The following BBX variants were observed in gnomAD, a reference collection of about 807,000 sequenced individuals.
The protein encoded by BBX is BBX high mobility group box domain containing.
BBX carries 30 observed loss-of-function variants against 100.2 expected under a neutral mutation model. The ratio of observed to expected loss-of-function variants is 0.30; its 90% CI spans 0.22 to 0.41. The LOEUF is 0.41. BBX is among the 10% of genes least tolerant of loss of function. The probability of loss-of-function intolerance (pLI) is 1.00; values close to 1 mark genes in which losing one functional copy is unlikely to be tolerated. For synonymous variants in BBX, 376 were observed against 388.1 expected, an observed-to-expected ratio of 0.97 and a Z score of 0.37; for missense variants, 1,023 against 1,129.8, an observed-to-expected ratio of 0.91 and a Z score of 1.35.
At chr3:107,644,642 A>G (rs1339893827) in intron 2 of BBX, among the ~76,000 whole-genome samples, 1 of 152,164 alleles carries the variant, frequency 6.6e-6, no homozygotes, top group Non-Finnish European at 1.5e-5. Flanking sequence ...GTAAAAGCGT[A>G]GACGTTTGAC....
At chr3:107,613,655 C>A (rs1215750126) in intron 2 of BBX, among the ~76,000 whole-genome samples, 1 of 151,942 alleles carries the variant, frequency 6.6e-6, no homozygotes, top group African/African-American at 2.4e-5. Flanking sequence ...GGGGAAAAAA[C>A]CCATCCATCA....
chr3:107,638,685 G>C (rs1225903667), intron 2 of BBX: 1 of 150,858 alleles, frequency 6.6e-6, no homozygotes, highest in Non-Finnish European at 1.5e-5. Flanking sequence ...TTGGGAGGCC[G>C]AGGTGGGAGG....
At chr3:107,790,641 C>T (rs2068917870) in intron 14 of BBX, among the ~76,000 whole-genome samples, 1 of 152,236 alleles carries the variant, frequency 6.6e-6, no homozygotes, top group South Asian at 2.1e-4. Context: ...TTCTGTAGGT[C>T]GGGTTTTCTT....
intron 10 of BBX, among the ~76,000 whole-genome samples, chr3:107,768,750 T>TAA (rs34146134): frequency 2.7e-5 from 4 of 149,964 alleles, no homozygotes; most frequent in East Asian, 3.9e-4. Flanking sequence ...TGTGACCTAT[T>TAA]AAAAAAAATT....
chr3:107,563,301 C>A (rs542806403), intron 2 of BBX, among the ~76,000 whole-genome samples: 1 of 152,174 alleles, frequency 6.6e-6, no homozygotes, highest in Non-Finnish European at 1.5e-5. Flanking sequence ...AAGCTCCTTG[C>A]AGATTTTAGG....
rs1216749473 is a variant in BBX, at chr3:107,798,514, C to G, written c.2354-9C>G. On this transcript the variant is annotated splice_polypyrimidine_tract_variant and intron_variant, in intron 15 of 17. Transcript: ENST00000325805. ...TGTGCATAACTATGCATGGTATTTC[C>G]TATTTCAGCCATATTTTCAGAAGAC... is the stretch of plus-strand genomic sequence containing the variant. 9.3e-6 allele frequency: 15 copies of G among 1,612,130 alleles called. No individual in the cohort carries two copies. Among genetic ancestry groups the G allele is most frequent in the Non-Finnish European group, 1.3e-5 (15 of 1,178,276 alleles).
intron 8 of BBX, among the ~76,000 whole-genome samples, chr3:107,745,433 T>C (rs887948401): frequency 1.3e-5 from 2 of 152,138 alleles, no homozygotes; most frequent in Admixed American, 6.6e-5. Context: ...CCCAACTGTT[T>C]TACAGTTTTA....
chr3:107,531,414 T>C (rs936836480), intron 2 of BBX, among the ~76,000 whole-genome samples: 1 of 152,130 alleles, frequency 6.6e-6, no homozygotes, highest in Non-Finnish European at 1.5e-5. Flanking sequence ...GCACAATGGG[T>C]ATGGTAATGT....
intron 12 of BBX, among the ~76,000 whole-genome samples, chr3:107,777,724 T>G (rs2067440639): frequency 6.6e-6 from 1 of 152,188 alleles, no homozygotes; most frequent in African/African-American, 2.4e-5. Flanking sequence ...CTCTGTGCCA[T>G]TGCATTCATT....
chr3:107,555,573 A>G (rs764299428), intron 2 of BBX, among the ~76,000 whole-genome samples: 4 of 152,240 alleles, frequency 2.6e-5, no homozygotes, highest in Non-Finnish European at 4.4e-5. Flanking sequence ...ACTCATGTTT[A>G]AGAATGTGGT....
chr3:107,791,146 A>G (rs2068976464), intron 14 of BBX, 94 bp from the exon 15 acceptor site: 2 of 1,012,300 alleles, frequency 2.0e-6, no homozygotes, highest in Non-Finnish European at 3.0e-6. Flanking sequence ...TGATGTTTCA[A>G]AAGTTAGTTT....
chr3:107,805,918 G>T lies in BBX; in HGVS notation c.*461G>T. Reference sequence around the variant, plus strand: ...GATATTCTTAGTCTTTTTTGTACATGGAGATTTAAGTTTAAGATGGTTTAT... The same window carrying T: ...GATATTCTTAGTCTTTTTTGTACATTGAGATTTAAGTTTAAGATGGTTTAT... On this transcript the variant is annotated 3_prime_UTR_variant, in exon 18 of 18. Transcript: ENST00000325805. 1 of 158,040 alleles carries T rather than the reference G, an allele frequency of 6.3e-6. No homozygotes were observed. The highest frequency in any genetic ancestry group is 1.4e-5 in the Non-Finnish European group (1 of 71,802). 9.8% of individuals were successfully genotyped at this position (158,040 alleles called of 1,614,324 possible).
chr3:107,769,991 A>T (rs1457870566), intron 10 of BBX, among the ~76,000 whole-genome samples: 1 of 152,162 alleles, frequency 6.6e-6, no homozygotes, highest in Non-Finnish European at 1.5e-5. Context: ...TGTTTTTCCT[A>T]TAATTTAGGA....
At chr3:107,652,064 T>C (rs1178820603) in intron 3 of BBX, among the ~76,000 whole-genome samples, 2 of 152,210 alleles carry the variant, frequency 1.3e-5, no homozygotes, top group Non-Finnish European at 2.9e-5. Flanking sequence ...TTATATAGTC[T>C]TTTATAACCT....
intron 2 of BBX, among the ~76,000 whole-genome samples, chr3:107,642,595 A>G (rs985436755): frequency 6.6e-6 from 1 of 152,150 alleles, no homozygotes; most frequent in Admixed American, 6.6e-5. Flanking sequence ...GAAAGCATAC[A>G]TGTAGTTGAA....
intron 5 of BBX, among the ~76,000 whole-genome samples, chr3:107,718,459 A>T (rs1454649933): frequency 6.6e-6 from 1 of 151,656 alleles, no homozygotes; most frequent in Non-Finnish European, 1.5e-5. Context: ...CGTAACAGTA[A>T]TTAACAGTAA....
chr3:107,646,370 A>C (rs2057520742), intron 3 of BBX, among the ~76,000 whole-genome samples: 1 of 152,142 alleles, frequency 6.6e-6, no homozygotes. Context: ...TGCATCTTGA[A>C]ATCACTTTAT....
chr3:107,657,065 T>C (rs1426613623), intron 3 of BBX: 1 of 151,950 alleles, frequency 6.6e-6, no homozygotes, highest in Non-Finnish European at 1.5e-5. Context: ...TCAAAAGGCA[T>C]ATGGGCCACT....
At chr3:107,686,125 A>G (rs557630908) in intron 3 of BBX, among the ~76,000 whole-genome samples, 1 of 152,236 alleles carries the variant, frequency 6.6e-6, no homozygotes, top group South Asian at 2.1e-4. Flanking sequence ...TAATAGTACA[A>G]ATTCAAGTAA....
Sources: allele counts gnomAD v4.1 joint callset (sites outside exome capture counted in the v4.1 genomes callset), GRCh38; gene constraint gnomAD v4.1.1; transcripts MANE v1.5; gene names NCBI Gene and HGNC (gene_info 2026-07-23, HGNC 2026-07-21).